LPP: variants seen among roughly 807,000 people sequenced by gnomAD.
LPP encodes the protein lipoma-preferred partner.
In LPP, 38 loss-of-function variants were observed where a neutral mutation model predicts 60.4. That is an observed-to-expected ratio of 0.63 (90% CI 0.49 to 0.83). The LOEUF is 0.83. Ranked by LOEUF, LPP falls within the 40% of genes least tolerant of loss-of-function variation. The pLI is 0.00. For missense variants in LPP, 902 were observed against 783.6 expected, an observed-to-expected ratio of 1.15 and a Z score of -1.80; for synonymous variants, 328 against 290.8, an observed-to-expected ratio of 1.13 and a Z score of -1.30.
intron 3 of LPP, among the ~76,000 whole-genome samples, chr3:188,397,962 G>C (rs151129276): frequency 1.3e-5 from 2 of 152,280 alleles, no homozygotes; most frequent in Non-Finnish European, 2.9e-5. Context: ...TAGACCTGAT[G>C]CTTCTCTCCC....
intron 8 of LPP, among the ~76,000 whole-genome samples, chr3:188,754,025 T>C (rs566278146): frequency 6.6e-6 from 1 of 152,336 alleles, no homozygotes. Context: ...TGCTACATTA[T>C]GTAAAGACAG....
intron 3 of LPP, among the ~76,000 whole-genome samples, chr3:188,363,053 C>T (rs1769999368): frequency 6.7e-6 from 1 of 148,602 alleles, no homozygotes; most frequent in Non-Finnish European, 1.5e-5. Context: ...TTTTTTACAA[C>T]TGATGGGAAG....
At chr3:188,686,377 A>G (rs774933611) in intron 7 of LPP, among the ~76,000 whole-genome samples, 1 of 152,182 alleles carries the variant, frequency 6.6e-6, no homozygotes, top group South Asian at 2.1e-4. Context: ...CACTTCAGTT[A>G]GTCCCCACAG....
intron 5 of LPP, among the ~76,000 whole-genome samples, chr3:188,503,594 A>G (rs1009858794): frequency 4.1e-5 from 6 of 147,142 alleles, no homozygotes; most frequent in African/African-American, 1.2e-4. Flanking sequence ...TCCTGTTAGC[A>G]TTTCTTGCAG....
intron 2 of LPP, among the ~76,000 whole-genome samples, chr3:188,240,548 G>C (rs2149451641): frequency 6.6e-6 from 1 of 152,264 alleles, no homozygotes; most frequent in African/African-American, 2.4e-5. Context: ...TGTGCCTAGA[G>C]TAGTTGAGAG....
At chr3:188,232,504 A>ATTTTTTTTTTTTTTTTTTTTTTTTTTTTT (rs71634069) in intron 2 of LPP, among the ~76,000 whole-genome samples, 1 of 103,234 alleles carries the variant, frequency 9.7e-6, no homozygotes. Context: ...ACACCCGGCT[A>ATTTTTTTTTTTTTTTTTTTTTTTTTTTTT]TTTTTTTTTT....
intron 7 of LPP, among the ~76,000 whole-genome samples, chr3:188,698,924 A>T (rs771341135): frequency 6.6e-6 from 1 of 152,200 alleles, no homozygotes; most frequent in Non-Finnish European, 1.5e-5. Flanking sequence ...GGTACACTAC[A>T]CTGAAGTCCT....
intron 2 of LPP, among the ~76,000 whole-genome samples, chr3:188,316,474 T>TA (rs1755110463): frequency 6.6e-6 from 1 of 151,696 alleles, no homozygotes; most frequent in African/African-American, 2.4e-5. Flanking sequence ...CAAGAAAAAA[T>TA]ACAGTTGAGT....
At chr3:188,398,646 C>T (rs1781526000) in intron 3 of LPP, among the ~76,000 whole-genome samples, 1 of 152,218 alleles carries the variant, frequency 6.6e-6, no homozygotes, top group African/African-American at 2.4e-5. Context: ...AGAGTGAATA[C>T]ATTTGCTGTT....
chr3:188,423,987 T>C lies in LPP; in HGVS notation c.193+17674T>C, dbSNP rs557913889. On this transcript the variant is annotated intron_variant, in intron 4 of 11. Transcript: ENST00000617246. ...AGATCCCATTTGTCAATTTTAGCTT[T>C]TGTTGCCATTGCTTTTGGTGTTTTA... is the stretch of plus-strand genomic sequence containing the variant. Among the ~76,000 whole-genome samples, 4 of 152,322 alleles carry C rather than the reference T, an allele frequency of 2.6e-5. No individual in the cohort carries two copies. The South Asian group carries it at 8.3e-4, about 32-fold the overall frequency.
At chr3:188,707,840 G>A (rs745574341) in intron 7 of LPP, among the ~76,000 whole-genome samples, 3 of 152,104 alleles carry the variant, frequency 2.0e-5, no homozygotes, top group Non-Finnish European at 2.9e-5. Flanking sequence ...CGGGCTATGC[G>A]AGAGGTCCCA....
At position 188,752,487 on chromosome 3, in the gene LPP, G is replaced by A. The variant is rs116405443; in HGVS notation, c.1241-7626G>A. ...CAAAAGATAACCATGTATTATACTC[G>A]AAAATGCAAAACAGGGTTGTTTTTT... is the stretch of plus-strand genomic sequence containing the variant. On this transcript the variant is annotated intron_variant, in intron 8 of 11. Coordinates refer to ENST00000617246, the MANE Select transcript of LPP (RefSeq NM_001375462.1). 8.5e-3 allele frequency among the ~76,000 whole-genome samples: 1,297 copies of A among 152,266 alleles called. 24 individuals carry two copies. Among genetic ancestry groups the A allele is most frequent in the African/African-American group, 0.03 (1,236 of 41,542 alleles).
intron 2 of LPP, among the ~76,000 whole-genome samples, chr3:188,329,701 T>C (rs946782831): frequency 1.3e-5 from 2 of 152,208 alleles, no homozygotes; most frequent in African/African-American, 4.8e-5. Flanking sequence ...TACTATCTCT[T>C]CTGCTTTTCA....
chr3:188,245,789 A>G (rs896660096), intron 2 of LPP, among the ~76,000 whole-genome samples: 7 of 151,740 alleles, frequency 4.6e-5, no homozygotes, highest in African/African-American at 1.7e-4. Flanking sequence ...TGATCCTCCC[A>G]CCTCGGCCTT....
At chr3:188,793,944 G>A (rs981064090) in intron 9 of LPP, among the ~76,000 whole-genome samples, 1 of 152,114 alleles carries the variant, frequency 6.6e-6, no homozygotes, top group Non-Finnish European at 1.5e-5. Context: ...CTGCCCCACC[G>A]AGACTATTCA....
intron 9 of LPP, among the ~76,000 whole-genome samples, chr3:188,796,910 T>C (rs1377342448): frequency 3.3e-5 from 5 of 152,318 alleles, no homozygotes; most frequent in African/African-American, 9.6e-5. Context: ...AATATCCTTC[T>C]GATTGAACCA....
chr3:188,623,058 A>G (rs1481259465), intron 7 of LPP, among the ~76,000 whole-genome samples: 1 of 138,988 alleles, frequency 7.2e-6, no homozygotes, highest in East Asian at 2.1e-4. Flanking sequence ...GAGAGAGCTA[A>G]CATCTTCACT....
At chr3:188,804,600 C>T (rs533359418) in intron 9 of LPP, among the ~76,000 whole-genome samples, 8 of 151,802 alleles carry the variant, frequency 5.3e-5, no homozygotes, top group South Asian at 4.2e-4. Flanking sequence ...GCACTTGTAC[C>T]CCCAAATATA....
Position 188,248,438 on chromosome 3 carries a change from C to A in LPP, c.-67+22911C>A, listed in dbSNP as rs146655026. 2.3e-3 allele frequency among the ~76,000 whole-genome samples: 300 copies of A among 129,352 alleles called. 1 individual carries two copies. The highest frequency in any genetic ancestry group is 8.9e-3 in the African/African-American group (295 of 33,122). 84.9% of individuals were successfully genotyped at this position (129,352 alleles called of 152,430 possible). On this transcript the variant is annotated intron_variant, in intron 2 of 11. Transcript: ENST00000617246. ...TATTTTAATGCTTTTTGGAAGGGAA[C>A]AATACCTAGTGTTCAGCTGCAGTAT...
Sources: gnomAD v4.1 joint callset for allele counts (sites outside exome capture counted in the v4.1 genomes callset) on GRCh38, gnomAD v4.1.1 for gene constraint, MANE v1.5 for transcripts, NCBI Gene and HGNC (gene_info 2026-07-23, HGNC 2026-07-21) for gene names.